The following AGFG2 variants were observed in gnomAD, a reference collection of about 807,000 sequenced individuals.
AGFG2 encodes arf-GAP domain and FG repeat-containing protein 2.
AGFG2 carries 31 observed loss-of-function variants against 48.0 expected under a neutral mutation model. The observed-to-expected ratio is 0.65, with a 90% CI of 0.49 to 0.87. The LOEUF (loss-of-function observed/expected upper bound fraction) is 0.87. Ranked by LOEUF, AGFG2 falls within the 40% of genes least tolerant of loss-of-function variation. The pLI, the probability that AGFG2 is intolerant of heterozygous loss-of-function variation, is 0.00. For missense variants in AGFG2, 599 were observed against 632.6 expected (o/e 0.95, Z 0.57); for synonymous variants, 229 against 260.8 (o/e 0.88, Z 1.18).
At position 100,567,961 on chromosome 7, in the gene AGFG2, CAATCACCTGGCATT is replaced by C. The variant is rs1801051014; in HGVS notation, c.*2971_*2984del. 6.5e-6 allele frequency: 1 copy of C among 152,672 alleles called. No individual in the cohort carries two copies. Among genetic ancestry groups the C allele is most frequent in the South Asian group, 2.1e-4 (1 of 4,826 alleles). 9.5% of individuals were successfully genotyped at this position (152,672 alleles called of 1,614,324 possible). A position where few individuals can be genotyped will look rare whatever the true frequency, so the allele number is the denominator to read the frequency against. On this transcript the variant is annotated 3_prime_UTR_variant, in exon 12 of 12. Transcript: ENST00000300176. ...GGTTTGTCCTGGTACTCAGTGGGTC[CAATCACCTGGCATT>C]GATCACCTGGCATTGATCAGCACCC...
rs1273150114 is a variant in AGFG2 at position 100,550,417 on chromosome 7, G to A, written c.337G>A (p.Gly113Ser). Residue 113 changes from glycine to serine, a missense_variant, in exon 3 of 12, where the codon GGT becomes AGT. Transcript: ENST00000300176. ...TTAGGTTTGCCGGAAGATTTGGTTG[G>A]GTCTGTTTGATGCTCGGACATCTTT... is the stretch of plus-strand genomic sequence containing the variant. ...GNEVCRKIWL[G>S]LFDARTSLVP... is the part of the protein sequence containing the mutation. The A allele has an allele frequency of 6.2e-7, 1 of 1,613,920 alleles. No individual in the cohort carries two copies. Among genetic ancestry groups the A allele is most frequent in the East Asian group, 2.2e-5 (1 of 44,874 alleles).
chr7:100,563,827 TCCATAGGGC>T lies in AGFG2; in HGVS notation c.1172-4_1176del. On this transcript the variant is annotated splice_acceptor_variant and splice_polypyrimidine_tract_variant and coding_sequence_variant and intron_variant, in exon 10 of 12. Coordinates refer to ENST00000300176, the MANE Select transcript of AGFG2 (RefSeq NM_006076.5). LOFTEE classifies it high-confidence loss of function. Reference sequence around the variant, plus strand: ...TTCACCTGAGCCTCCCGTCTTTCACTCCATAGGGCCCGGCTTTGGGATGAGCAGTGCTGG... The same window carrying T: ...TTCACCTGAGCCTCCCGTCTTTCACTCCGGCTTTGGGATGAGCAGTGCTGG... 6.2e-7 allele frequency: 1 copy of T among 1,611,096 alleles called. No homozygotes were observed. Among genetic ancestry groups the T allele is most frequent in the Non-Finnish European group, 8.5e-7 (1 of 1,179,940 alleles).
chr7:100,566,433 CACCT>C lies in AGFG2; in HGVS notation c.*1443_*1446del, dbSNP rs1241533886. 1 of 152,258 alleles carries C rather than the reference CACCT, an allele frequency of 6.6e-6. No individual in the cohort carries two copies. The highest frequency in any genetic ancestry group is 1.9e-4 in the East Asian group (1 of 5,194). 9.4% of individuals were successfully genotyped at this position (152,258 alleles called of 1,614,324 possible). A position where few individuals can be genotyped will look rare whatever the true frequency, so the allele number is the denominator to read the frequency against. ...GTCAGGGGGTGGGTGGCAAACACCTCACCTGGCTGGGCAGAGGCCACCTTGCTGT... is the reference window on the plus strand; with the variant it reads ...GTCAGGGGGTGGGTGGCAAACACCTCGGCTGGGCAGAGGCCACCTTGCTGT... On this transcript the variant is annotated 3_prime_UTR_variant, in exon 12 of 12. Coordinates refer to ENST00000300176, the MANE Select transcript of AGFG2 (RefSeq NM_006076.5).
In AGFG2 at chr7:100,550,370, C is replaced by A. The variant is rs772823759; in HGVS notation, c.316-26C>A. 5 of 1,424,318 alleles carry A rather than the reference C, an allele frequency of 3.5e-6. No individual in the cohort carries two copies. In the African/African-American group the frequency reaches 4.3e-5, roughly 12 times the overall value. 88.2% of individuals were successfully genotyped at this position (1,424,318 alleles called of 1,614,324 possible). On this transcript the variant is annotated intron_variant, in intron 2 of 11. Transcript: ENST00000300176. ...TTGTATTTCCTGCTTTCTGCTCCCA[C>A]TCCTCTGACACCTTCATTCTTTTAG... is the stretch of plus-strand genomic sequence containing the variant.
intron 6 of AGFG2, chr7:100,556,237 C>G (rs897234110): frequency 2.1e-5 from 4 of 187,180 alleles, no homozygotes; most frequent in Non-Finnish European, 4.5e-5. Context: ...ATCGCTTGAG[C>G]CCAGGAGTTT....
At chr7:100,549,606 C>T (rs1000359324) in intron 2 of AGFG2, among the ~76,000 whole-genome samples, 4 of 152,152 alleles carry the variant, frequency 2.6e-5, no homozygotes, top group Admixed American at 6.5e-5. Flanking sequence ...ATAAACTCTG[C>T]GAGGACAGGA....
chr7:100,544,950 A>G lies in AGFG2; in HGVS notation c.222-3872A>G, dbSNP rs549106263. ...GGAAGAGGGTTCCTAAAATTAGTGAAATTGACCCTGGAGCAGGGTAATAGG... is the reference window on the plus strand; with the variant it reads ...GGAAGAGGGTTCCTAAAATTAGTGAGATTGACCCTGGAGCAGGGTAATAGG... On this transcript the variant is annotated intron_variant, in intron 1 of 11. Coordinates refer to ENST00000300176, the MANE Select transcript of AGFG2 (RefSeq NM_006076.5). Among the ~76,000 whole-genome samples, 3 of 152,198 alleles carry G rather than the reference A, an allele frequency of 2.0e-5. No homozygotes were observed. In the South Asian group the frequency reaches 6.2e-4, roughly 32 times the overall value.
chr7:100,550,179 T>C, intron 2 of AGFG2, among the ~76,000 whole-genome samples: 1 of 152,118 alleles, frequency 6.6e-6, no homozygotes, highest in East Asian at 1.9e-4. Flanking sequence ...TGGTGGCGCA[T>C]GCCTATAGTC....
At position 100,567,685 on chromosome 7, in the gene AGFG2, TCTC is replaced by T. The variant is rs1024729827; in HGVS notation, c.*2699_*2701del. ...GGAGGGGCACGCTGGAACAGCCTAG[TCTC>T]CTCCCCGTGGATTCCCCCAAACCCA... On this transcript the variant is annotated 3_prime_UTR_variant, in exon 12 of 12. Transcript: ENST00000300176. 6.6e-6 allele frequency: 1 copy of T among 152,310 alleles called. No homozygotes were observed. Among genetic ancestry groups the T allele is most frequent in the Non-Finnish European group, 1.5e-5 (1 of 68,126 alleles). The allele number at this position is 152,310 out of a possible 1,614,324, so 9.4% of individuals were successfully genotyped here.
Position 100,555,263 on chromosome 7 carries a change from G to GTTTT in AGFG2, c.752-322_752-319dup, listed in dbSNP as rs1166680394. On this transcript the variant is annotated intron_variant, in intron 5 of 11. Coordinates refer to ENST00000300176, the MANE Select transcript of AGFG2 (RefSeq NM_006076.5). ...TTTCTTTTTCTGTTGTGTGTGTGTG[G>GTTTT]TTTTTTTTTTTTTTTTTTTTTTTTT... Among the ~76,000 whole-genome samples, 112 of 75,178 alleles carry GTTTT rather than the reference G, an allele frequency of 1.5e-3. 14 individuals are homozygous for GTTTT. Among genetic ancestry groups the GTTTT allele is most frequent in the African/African-American group, 5.9e-3 (97 of 16,466 alleles). 49.3% of individuals were successfully genotyped at this position (75,178 alleles called of 152,430 possible).
At chr7:100,550,236 G>A (rs1006290638) in intron 2 of AGFG2, among the ~76,000 whole-genome samples, 160 bp from the exon 3 acceptor site, 1 of 151,278 alleles carries the variant, frequency 6.6e-6, no homozygotes, top group African/African-American at 2.4e-5. Flanking sequence ...GAACCCCGGA[G>A]GTGGAGGTTG....
intron 1 of AGFG2, among the ~76,000 whole-genome samples, chr7:100,542,044 C>T (rs1005921077): frequency 1.6e-4 from 24 of 152,100 alleles, no homozygotes; most frequent in African/African-American, 5.3e-4. Context: ...GAGATGGAGT[C>T]TCACTCTGTT....
At chr7:100,545,175 A>G (rs1391437727) in intron 1 of AGFG2, among the ~76,000 whole-genome samples, 1 of 152,182 alleles carries the variant, frequency 6.6e-6, no homozygotes, top group Non-Finnish European at 1.5e-5. Flanking sequence ...CCAAGTCCAA[A>G]TTTGGCACAA....
chr7:100,539,400 C>T lies in AGFG2; in HGVS notation c.54C>T (p.Gly18=), dbSNP rs1005726132. The T allele has an allele frequency of 2.3e-6, 3 of 1,306,560 alleles. No individual in the cohort carries two copies. The highest frequency in any genetic ancestry group is 1.5e-5 in the African/African-American group (1 of 64,662). The allele number at this position is 1,306,560 out of a possible 1,614,324, so 80.9% of individuals were successfully genotyped here. ...GCCCGGGCGGCGGGGTCAGCGGGGG[C>T]AAGGCGGAGGCGGAGGCGGCCTCGG... ...GPGPGGGVSG[G]KAEAEAASEV... The change falls in exon 1 of 12, where the codon GGC becomes GGT. Residue 18 remains glycine (G), a synonymous_variant. Transcript: ENST00000300176.
chr7:100,540,751 C>T (rs553526439), intron 1 of AGFG2, among the ~76,000 whole-genome samples: 72 of 152,190 alleles, frequency 4.7e-4, no homozygotes, highest in African/African-American at 1.7e-3. Context: ...CTGTGGCTCA[C>T]GCCTGTAATC....
At chr7:100,548,982 G>A (rs1800569800) in intron 2 of AGFG2, 67 bp downstream of exon 2, 2 of 1,323,900 alleles carry the variant, frequency 1.5e-6, no homozygotes, top group Non-Finnish European at 2.2e-6. Flanking sequence ...CCTCAAGATT[G>A]TAGGGAAACC....
Position 100,539,221 on chromosome 7 carries a change from C to T in AGFG2, c.-126C>T, listed in dbSNP as rs1800366036. 2 of 1,000,034 alleles carry T rather than the reference C, an allele frequency of 2.0e-6. No individual in the cohort carries two copies. The highest frequency in any genetic ancestry group is 3.5e-5 in the South Asian group (1 of 28,238). 61.9% of individuals were successfully genotyped at this position (1,000,034 alleles called of 1,614,324 possible). The stretch of plus-strand genomic sequence containing the variant: ...GGAGGGTGGTGGACGGCGAAGTCTC[C>T]TGCGGATGCCGCCCGCTCCCGAGCT... On this transcript the variant is annotated 5_prime_UTR_variant, in exon 1 of 12. Transcript: ENST00000300176.
chr7:100,556,319 C>G, intron 6 of AGFG2: 1 of 203,302 alleles, frequency 4.9e-6, no homozygotes, highest in Non-Finnish European at 1.0e-5. Context: ...CATCTCAAAA[C>G]AAACGAACGA....
At chr7:100,561,597 T>C (rs1670879415) in intron 6 of AGFG2, among the ~76,000 whole-genome samples, 1 of 152,226 alleles carries the variant, frequency 6.6e-6, no homozygotes, top group South Asian at 2.1e-4. Flanking sequence ...TTTCCAGGAC[T>C]CTTGGCCCTC....
Sources: allele counts gnomAD v4.1 joint callset (sites outside exome capture counted in the v4.1 genomes callset), GRCh38; gene constraint gnomAD v4.1.1; transcripts MANE v1.5; gene names NCBI Gene and HGNC (gene_info 2026-07-23, HGNC 2026-07-21).